Variants in TMEM38B observed in about 807,000 individuals in gnomAD.
The protein encoded by TMEM38B is trimeric intracellular cation channel type B.
A neutral mutation model predicts 28.7 loss-of-function variants in TMEM38B; 24 were observed. The ratio of observed to expected loss-of-function variants is 0.84; its 90% CI spans 0.61 to 1.18. The LOEUF is 1.18. Ranked by LOEUF, TMEM38B falls within the 50% of genes most tolerant of loss-of-function variation. TMEM38B has a pLI of 0.00. For synonymous variants in TMEM38B, 131 were observed against 127.7 expected, an observed-to-expected ratio of 1.03 and a Z score of -0.17; for missense variants, 380 against 350.9, an observed-to-expected ratio of 1.08 and a Z score of -0.66.
chr9:105,722,632 A>G lies in TMEM38B; in HGVS notation c.542+11A>G. On this transcript the variant is annotated intron_variant, in intron 4 of 5. Coordinates refer to ENST00000374692, the MANE Select transcript of TMEM38B (RefSeq NM_018112.3). ...GCTGAAGATGTCATAGTAAGTTGGT[A>G]TAAATTATACTGAGACCTAGATGTT... 6.2e-7 allele frequency: 1 copy of G among 1,606,232 alleles called. No homozygotes were observed.
Position 105,710,858 on chromosome 9 carries a change from A to G in TMEM38B, c.269+5105A>G, listed in dbSNP as rs1008554247. 2.3e-5 allele frequency: 8 copies of G among 354,720 alleles called. No individual in the cohort carries two copies. In the Admixed American group the frequency reaches 3.1e-4, roughly 14 times the overall value. 22.0% of individuals were successfully genotyped at this position (354,720 alleles called of 1,614,324 possible). On this transcript the variant is annotated intron_variant, in intron 2 of 5. Coordinates refer to ENST00000374692, the MANE Select transcript of TMEM38B (RefSeq NM_018112.3). ...TGGCTCTGGCTGCCAAGCCTCAGAC[A>G]CACACAGCCAGAGGGCTCCGCTATG... is the stretch of plus-strand genomic sequence containing the variant.
At chr9:105,767,725 A>G (rs1417357562) in intron 5 of TMEM38B, among the ~76,000 whole-genome samples, 2 of 152,160 alleles carry the variant, frequency 1.3e-5, no homozygotes, top group Non-Finnish European at 2.9e-5. Context: ...TCAAATTTCA[A>G]TTTGGAATTT....
intron 4 of TMEM38B, among the ~76,000 whole-genome samples, chr9:105,735,405 T>G (rs1196907221): frequency 6.6e-6 from 1 of 152,244 alleles, no homozygotes; most frequent in Non-Finnish European, 1.5e-5. Flanking sequence ...TCACATACTT[T>G]CATGATAGTA....
At chr9:105,728,661 C>T (rs1198133235) in intron 4 of TMEM38B, among the ~76,000 whole-genome samples, 1 of 152,128 alleles carries the variant, frequency 6.6e-6, no homozygotes, top group South Asian at 2.1e-4. Flanking sequence ...GAGGAATCAC[C>T]ACTGTCTTCC....
chr9:105,713,844 G>A (rs553251835), intron 2 of TMEM38B, among the ~76,000 whole-genome samples: 3 of 152,318 alleles, frequency 2.0e-5, no homozygotes, highest in South Asian at 4.1e-4. Flanking sequence ...GCCCATAAAA[G>A]CTCTGGGCTC....
chr9:105,752,296 A>G (rs1022793383), intron 5 of TMEM38B, among the ~76,000 whole-genome samples: 3 of 152,132 alleles, frequency 2.0e-5, no homozygotes, highest in Non-Finnish European at 2.9e-5. Context: ...GGTCTCCCCC[A>G]GTGCAGCACA....
rs925668435 is a variant in TMEM38B, at chr9:105,775,269, A to C, written c.*1189A>C. 3.9e-5 allele frequency: 6 copies of C among 152,142 alleles called. No homozygotes were observed. Among genetic ancestry groups the C allele is most frequent in the Non-Finnish European group, 8.8e-5 (6 of 67,984 alleles). The allele number at this position is 152,142 out of a possible 1,614,324, so 9.4% of individuals were successfully genotyped here. A position where few individuals can be genotyped will look rare whatever the true frequency, so the allele number is the denominator to read the frequency against. On this transcript the variant is annotated 3_prime_UTR_variant, in exon 6 of 6. Transcript: ENST00000374692. ...CATATGGCAGTCCATTTAGATGAAG[A>C]ATGATGATATAAAATCTGGTTCCTT...
At chr9:105,759,112 C>T (rs1056414504) in intron 5 of TMEM38B, 37 of 782,844 alleles carry the variant, frequency 4.7e-5, no homozygotes, top group Admixed American at 1.7e-4. Context: ...AGTGATGATA[C>T]GAATAATCCA....
At chr9:105,729,908 G>A (rs1399975338) in intron 4 of TMEM38B, among the ~76,000 whole-genome samples, 1 of 152,076 alleles carries the variant, frequency 6.6e-6, no homozygotes, top group Non-Finnish European at 1.5e-5. Flanking sequence ...GAATGCTTGT[G>A]ATTTTTGCAC....
intron 5 of TMEM38B, 113 bp from the exon 6 acceptor site, chr9:105,773,752 T>C (rs895691302): frequency 2.1e-6 from 2 of 935,476 alleles, no homozygotes; most frequent in Non-Finnish European, 3.2e-6. Flanking sequence ...TTAGATTGCT[T>C]CCCCTGCAGA....
At chr9:105,744,605 C>T (rs1283294984) in intron 4 of TMEM38B, among the ~76,000 whole-genome samples, 2 of 149,666 alleles carry the variant, frequency 1.3e-5, no homozygotes, top group African/African-American at 2.5e-5. Context: ...TTTTATTTTA[C>T]TTTAAGTTTT....
chr9:105,719,124 C>G (rs1836224402), intron 2 of TMEM38B, among the ~76,000 whole-genome samples: 2 of 152,164 alleles, frequency 1.3e-5, no homozygotes, highest in Non-Finnish European at 2.9e-5. Context: ...CTCTGCCTAA[C>G]TTTTTGTATA....
chr9:105,721,404 A>G, intron 2 of TMEM38B, 133 bp from the exon 3 acceptor site: 1 of 699,686 alleles, frequency 1.4e-6, no homozygotes, highest in South Asian at 2.6e-5. Flanking sequence ...CTTTTATTGA[A>G]ATCAAGTTAA....
At chr9:105,710,824 A>G (rs1835873915) in intron 2 of TMEM38B, 3 of 407,660 alleles carry the variant, frequency 7.4e-6, no homozygotes, top group South Asian at 5.9e-5. Context: ...GGGCCCAGCA[A>G]ACCGTCCATG....
At chr9:105,729,695 G>T (rs1348096186) in intron 4 of TMEM38B, among the ~76,000 whole-genome samples, 1 of 152,074 alleles carries the variant, frequency 6.6e-6, no homozygotes, top group Non-Finnish European at 1.5e-5. Flanking sequence ...TCACAATATT[G>T]ATTCTTCCTA....
chr9:105,752,603 T>A (rs1173193256), intron 5 of TMEM38B, among the ~76,000 whole-genome samples: 1 of 151,984 alleles, frequency 6.6e-6, no homozygotes, highest in Non-Finnish European at 1.5e-5. Context: ...GGCCTGACTG[T>A]TAAAAACAAA....
At chr9:105,724,105 G>T in intron 4 of TMEM38B, among the ~76,000 whole-genome samples, 1 of 151,936 alleles carries the variant, frequency 6.6e-6, no homozygotes, top group East Asian at 1.9e-4. Flanking sequence ...CAAAGTGCTG[G>T]GATTACAGGC....
chr9:105,748,978 T>C, intron 5 of TMEM38B: 1 of 1,032,276 alleles, frequency 9.7e-7, no homozygotes, highest in South Asian at 1.6e-5. Flanking sequence ...GGCTAAAAAC[T>C]TATCTACAGG....
At chr9:105,755,712 G>A (rs1257466203) in intron 5 of TMEM38B, among the ~76,000 whole-genome samples, 1 of 152,132 alleles carries the variant, frequency 6.6e-6, no homozygotes, top group Non-Finnish European at 1.5e-5. Flanking sequence ...TTTTGATTTA[G>A]TTGGGCCATC....
Sources: gnomAD v4.1 joint callset for allele counts (sites outside exome capture counted in the v4.1 genomes callset) on GRCh38, gnomAD v4.1.1 for gene constraint, MANE v1.5 for transcripts, NCBI Gene and HGNC (gene_info 2026-07-23, HGNC 2026-07-21) for gene names.